Variants in CACNB2 observed in about 807,000 individuals in gnomAD.
CACNB2 encodes the protein calcium voltage-gated channel auxiliary subunit beta 2.
In CACNB2, 42 loss-of-function variants were observed where a neutral mutation model predicts 73.3. That is an observed-to-expected ratio of 0.57 (90% CI 0.45 to 0.74). CACNB2 has a LOEUF of 0.74. Ranked by LOEUF, CACNB2 falls within the 30% of genes least tolerant of loss-of-function variation. The pLI is 0.00. For missense variants in CACNB2, 940 were observed against 853.0 expected (o/e 1.10, Z -1.27); for synonymous variants, 348 against 310.3 (o/e 1.12, Z -1.28).
chr10:18,209,852 A>G (rs971244016), intron 2 of CACNB2, among the ~76,000 whole-genome samples: 5 of 152,202 alleles, frequency 3.3e-5, no homozygotes, highest in African/African-American at 1.2e-4. Flanking sequence ...CAAAAAATAA[A>G]ATTCTTTCAA....
chr10:18,350,114 G>A (rs1037540818), intron 2 of CACNB2, among the ~76,000 whole-genome samples: 4 of 152,054 alleles, frequency 2.6e-5, no homozygotes, highest in Non-Finnish European at 5.9e-5. Flanking sequence ...GCATGGTGGC[G>A]AGTGCCTGTA....
chr10:18,256,978 G>C (rs2037312056), intron 2 of CACNB2: 1 of 152,076 alleles, frequency 6.6e-6, no homozygotes, highest in Non-Finnish European at 1.5e-5. Context: ...AGTAATAATA[G>C]TACAAGTTTA....
chr10:18,515,938 C>T (rs988188503), intron 7 of CACNB2, among the ~76,000 whole-genome samples: 1 of 152,138 alleles, frequency 6.6e-6, no homozygotes, highest in Admixed American at 6.6e-5. Flanking sequence ...GCAGGCAGGG[C>T]GCAATGGCTC....
chr10:18,222,631 C>T (rs2035838686), intron 2 of CACNB2, among the ~76,000 whole-genome samples: 1 of 152,126 alleles, frequency 6.6e-6, no homozygotes, highest in South Asian at 2.1e-4. Flanking sequence ...TTCAAAAGCA[C>T]ATTGAGCATA....
At chr10:18,536,056 C>A (rs2053541032) in intron 11 of CACNB2, 45 bp from the exon 12 acceptor site, 2 of 1,164,820 alleles carry the variant, frequency 1.7e-6, no homozygotes, top group Non-Finnish European at 2.6e-6. Flanking sequence ...TGTACTTTAC[C>A]TGGATGTAGT....
chr10:18,140,719 C>T lies in CACNB2; in HGVS notation c.-18C>T. On this transcript the variant is annotated 5_prime_UTR_variant, in exon 1 of 14. Coordinates refer to ENST00000324631, the MANE Select transcript of CACNB2 (RefSeq NM_201596.3). ...CCGCCGGGGGCTGGCTGCTTCGCTC[C>T]GAGCCGACTTTTCGCCAATGGTCCA... 6.3e-7 allele frequency: 1 copy of T among 1,585,204 alleles called. No homozygotes were observed. Among genetic ancestry groups the T allele is most frequent in the Non-Finnish European group, 8.6e-7 (1 of 1,167,106 alleles).
At chr10:18,418,551 G>A (rs1479290842) in intron 3 of CACNB2, among the ~76,000 whole-genome samples, 1 of 152,212 alleles carries the variant, frequency 6.6e-6, no homozygotes, top group Non-Finnish European at 1.5e-5. Context: ...TAACTTGGAA[G>A]TATGTGCCTG....
At chr10:18,506,858 G>T (rs1327858858) in intron 6 of CACNB2, among the ~76,000 whole-genome samples, 1 of 152,090 alleles carries the variant, frequency 6.6e-6, no homozygotes, top group African/African-American at 2.4e-5. Context: ...GGAGTGCAGT[G>T]GCATGATCGC....
At chr10:18,376,085 A>G (rs2042786650) in intron 2 of CACNB2, among the ~76,000 whole-genome samples, 1 of 152,212 alleles carries the variant, frequency 6.6e-6, no homozygotes, top group Non-Finnish European at 1.5e-5. Flanking sequence ...AGGATTTGGC[A>G]GCATCTTAAA....
chr10:18,539,413 G>A lies in CACNB2; in HGVS notation c.1672G>A (p.Glu558Lys), dbSNP rs1554842861. ...GLSRQETFDSETQESRDSAYV... is the reference protein window; with the variant it reads ...GLSRQETFDSKTQESRDSAYV... ...CTCCAGGCAAGAGACATTTGACTCG[G>A]AAACCCAGGAGAGTCGAGACTCTGC... Residue 558 changes from glutamate (E) to lysine (K), a missense_variant, in exon 14 of 14, where the codon GAA becomes AAA. Glu to Lys is a moderately conservative substitution (Grantham distance 56, BLOSUM62 1). Coordinates refer to ENST00000324631, the MANE Select transcript of CACNB2 (RefSeq NM_201596.3). 2.5e-6 allele frequency: 4 copies of A among 1,613,970 alleles called. No individual in the cohort carries two copies. Among genetic ancestry groups the A allele is most frequent in the Middle Eastern group, 3.3e-4 (2 of 6,082 alleles).
At chr10:18,372,992 T>A (rs1039261275) in intron 2 of CACNB2, among the ~76,000 whole-genome samples, 5 of 152,104 alleles carry the variant, frequency 3.3e-5, no homozygotes, top group African/African-American at 1.2e-4. Context: ...TTTATTTTAT[T>A]TTTTGTAGGA....
At chr10:18,170,045 C>G (rs1238228269) in intron 2 of CACNB2, among the ~76,000 whole-genome samples, 2 of 152,192 alleles carry the variant, frequency 1.3e-5, no homozygotes, top group Non-Finnish European at 2.9e-5. Context: ...CTTCCTGGTT[C>G]ATACTGCAGT....
chr10:18,246,832 G>A (rs558108337), intron 2 of CACNB2, among the ~76,000 whole-genome samples: 19 of 152,068 alleles, frequency 1.2e-4, no homozygotes, highest in African/African-American at 2.9e-4. Context: ...GGCTGTTCTC[G>A]AACTCCTGGC....
chr10:18,428,657 G>T (rs1035342166), intron 3 of CACNB2, among the ~76,000 whole-genome samples: 10 of 149,214 alleles, frequency 6.7e-5, no homozygotes, highest in African/African-American at 2.5e-4. Flanking sequence ...CTGCACTTCA[G>T]CTTGGGTGAC....
At chr10:18,165,965 T>C (rs886358385) in intron 2 of CACNB2, among the ~76,000 whole-genome samples, 2 of 152,218 alleles carry the variant, frequency 1.3e-5, no homozygotes, top group African/African-American at 2.4e-5. Flanking sequence ...TGTTAGATTT[T>C]AGATCGAAAG....
chr10:18,431,821 G>C (rs923282034), intron 3 of CACNB2, among the ~76,000 whole-genome samples: 1 of 151,932 alleles, frequency 6.6e-6, no homozygotes, highest in Non-Finnish European at 1.5e-5. Flanking sequence ...CTGGAGTGCA[G>C]TGGCGTGATC....
At chr10:18,356,824 T>G (rs960127773) in intron 2 of CACNB2, among the ~76,000 whole-genome samples, 2 of 151,852 alleles carry the variant, frequency 1.3e-5, no homozygotes, top group Non-Finnish European at 2.9e-5. Flanking sequence ...GGGGTGAGGT[T>G]TCCCCATGTT....
At chr10:18,501,199 A>C (rs1264489851) in intron 5 of CACNB2, among the ~76,000 whole-genome samples, 4 of 152,228 alleles carry the variant, frequency 2.6e-5, no homozygotes, top group Non-Finnish European at 5.9e-5. Context: ...TAGAGTATTA[A>C]ATTCAGGCTC....
chr10:18,538,321 A>G lies in CACNB2; in HGVS notation c.1444A>G (p.Thr482Ala), dbSNP rs1457463158. 2 of 1,613,926 alleles carry G rather than the reference A, an allele frequency of 1.2e-6. No individual in the cohort carries two copies. The highest frequency in any genetic ancestry group is 1.7e-6 in the Non-Finnish European group (2 of 1,179,976). ...CCCTCTCCTTAGCCGTACATTAGCC[A>G]CTTCAAGTCTGCCTCTTAGCCCCAC... ...PNPLLSRTLA[T>A]SSLPLSPTLA... The change falls in exon 13 of 14, where the codon ACT becomes GCT. Residue 482 changes from threonine to alanine, a missense_variant. Thr to Ala is a moderately conservative substitution (Grantham distance 58, BLOSUM62 0). Transcript: ENST00000324631.
Sources: allele counts gnomAD v4.1 joint callset (sites outside exome capture counted in the v4.1 genomes callset), GRCh38; gene constraint gnomAD v4.1.1; transcripts MANE v1.5; gene names NCBI Gene and HGNC (gene_info 2026-07-23, HGNC 2026-07-21).